ACBD3: variants seen among roughly 807,000 people sequenced by gnomAD.
ACBD3 encodes the protein Golgi resident protein GCP60.
ACBD3 carries 30 observed loss-of-function variants against 66.9 expected under a neutral mutation model. The observed-to-expected ratio is 0.45, with a 90% confidence interval of 0.34 to 0.61. The LOEUF (loss-of-function observed/expected upper bound fraction) is 0.61. Among genes scored for constraint, ACBD3 ranks in the 20% least tolerant of loss-of-function variants. ACBD3 has a pLI of 0.02. For missense variants in ACBD3, 544 were observed against 664.5 expected (o/e 0.82, Z 1.99); for synonymous variants, 278 against 259.8 (o/e 1.07, Z -0.68).
In ACBD3 at chr1:226,147,352, G is replaced by A. The variant is rs1231507522; in HGVS notation, c.1376-531C>T. Reference sequence around the variant, plus strand: ...ACACCAAACCCTGTTCTGAGCCCTGGGAGCCCAGTGATGAACATCTAGTGG... The same window carrying A: ...ACACCAAACCCTGTTCTGAGCCCTGAGAGCCCAGTGATGAACATCTAGTGG... On this transcript the variant is annotated intron_variant, in intron 7 of 7. Coordinates refer to ENST00000366812, the MANE Select transcript of ACBD3 (RefSeq NM_022735.4). Among the ~76,000 whole-genome samples, 4 of 152,274 alleles carry A rather than the reference G, an allele frequency of 2.6e-5. No homozygotes were observed. In the East Asian group the frequency reaches 5.8e-4, roughly 22 times the overall value.
chr1:226,166,031 T>C, intron 1 of ACBD3, 31 bp from the exon 2 acceptor site: 1 of 1,591,062 alleles, frequency 6.3e-7, no homozygotes, highest in Non-Finnish European at 8.5e-7. Context: ...AAGAAAACAA[T>C]TAGCACAGGC....
chr1:226,184,504 CAT>C (rs780568594), intron 1 of ACBD3, among the ~76,000 whole-genome samples: 4 of 152,248 alleles, frequency 2.6e-5, no homozygotes, highest in Non-Finnish European at 5.9e-5. Flanking sequence ...ACTCAAGACA[CAT>C]GTTAAAATAA....
At chr1:226,151,823 T>G (rs1358835468) in intron 7 of ACBD3, among the ~76,000 whole-genome samples, 2 of 151,976 alleles carry the variant, frequency 1.3e-5, no homozygotes, top group Non-Finnish European at 2.9e-5. Flanking sequence ...CTGACCAACA[T>G]GGTGAAACCT....
rs1659843227 is a variant in ACBD3, at chr1:226,164,889, C to A, written c.469G>T (p.Ala157Ser). ...AALGNMSKED[A>S]MVEFVKLLNR... ...AAGAGCTTGACAAACTCCACCATGG[C>A]ATCCTCTTTAGACATGTTTCCCAGG... is the stretch of plus-strand genomic sequence containing the variant. Residue 157 changes from alanine (A) to serine (S), a missense_variant, in exon 3 of 8, where the codon GCC (alanine) becomes TCC (serine). Physicochemically the swap from Ala to Ser is moderately conservative, Grantham distance 99. This residue lies in a region of ACBD3 where 383 missense variants were observed against 462.4 expected (regional missense o/e 0.83). Coordinates refer to ENST00000366812, the MANE Select transcript of ACBD3 (RefSeq NM_022735.4). The A allele has an allele frequency of 6.2e-7, 1 of 1,607,674 alleles. No homozygotes were observed. Among genetic ancestry groups the A allele is most frequent in the Non-Finnish European group, 8.5e-7 (1 of 1,176,972 alleles).
chr1:226,162,086 T>C (rs949342913), intron 3 of ACBD3, among the ~76,000 whole-genome samples: 2 of 152,136 alleles, frequency 1.3e-5, no homozygotes, highest in African/African-American at 2.4e-5. Flanking sequence ...AACTAGATGC[T>C]CCATAGGGGA....
rs1016495425 is a variant in ACBD3 at position 226,144,877 on chromosome 1, T to C, written c.*1733A>G. 2.6e-5 allele frequency: 4 copies of C among 152,648 alleles called. No homozygotes were observed. Among genetic ancestry groups the C allele is most frequent in the Non-Finnish European group, 4.4e-5 (3 of 68,040 alleles). The allele number at this position is 152,648 out of a possible 1,614,324, so 9.5% of individuals were successfully genotyped here. On this transcript the variant is annotated 3_prime_UTR_variant, in exon 8 of 8. Coordinates refer to ENST00000366812, the MANE Select transcript of ACBD3 (RefSeq NM_022735.4). ...CAAGAACAATGATATTTTTAGGAGA[T>C]AATTCATCTTAACATGTGCAAGGAC... is the stretch of plus-strand genomic sequence containing the variant.
At position 226,186,442 on chromosome 1, in the gene ACBD3, G is replaced by GCGCTGCTCCAGCCGC. The variant is rs1428712468; in HGVS notation, c.219_233dup (p.Arg74_Arg78dup). 6.6e-7 allele frequency: 1 copy of GCGCTGCTCCAGCCGC among 1,513,262 alleles called. No individual in the cohort carries two copies. Among genetic ancestry groups the GCGCTGCTCCAGCCGC allele is most frequent in the Non-Finnish European group, 8.8e-7 (1 of 1,133,422 alleles). The allele number at this position is 1,513,262 out of a possible 1,614,324, so 93.7% of individuals were successfully genotyped here. ...ACAACTCCTCCAGGCCGAAACCCCA[G>GCGCTGCTCCAGCCGC]CGCTGCTCCAGCCGCCGCGCCTCCT... On this transcript the variant is annotated inframe_insertion, in exon 1 of 8. Coordinates refer to ENST00000366812, the MANE Select transcript of ACBD3 (RefSeq NM_022735.4).
At chr1:226,166,734 G>A (rs1434425588) in intron 1 of ACBD3, among the ~76,000 whole-genome samples, 1 of 152,026 alleles carries the variant, frequency 6.6e-6, no homozygotes, top group Non-Finnish European at 1.5e-5. Flanking sequence ...TGATTCTCCC[G>A]TCTCAGTATC....
chr1:226,147,602 T>C (rs1659480602), intron 7 of ACBD3, among the ~76,000 whole-genome samples: 1 of 152,198 alleles, frequency 6.6e-6, no homozygotes. Context: ...GCTTTCTGTA[T>C]ATCTTAAATA....
Position 226,146,794 on chromosome 1 carries a change from T to C in ACBD3, c.1403A>G (p.Lys468Arg), listed in dbSNP as rs762351320. 2 of 1,614,188 alleles carry C rather than the reference T, an allele frequency of 1.2e-6. No homozygotes were observed. Among genetic ancestry groups the C allele is most frequent in the Non-Finnish European group, 1.7e-6 (2 of 1,180,026 alleles). ...EENIGCEEKA[K>R]KNANKPLLDE... The stretch of plus-strand genomic sequence containing the variant: ...CAGCAAAGGCTTGTTGGCATTCTTT[T>C]TGGCTTTCTCTTCACAACCGATGTT... Residue 468 changes from lysine to arginine, a missense_variant, in exon 8 of 8, where the codon AAA (lysine) becomes AGA (arginine). Transcript: ENST00000366812.
At chr1:226,174,957 T>C (rs1655997314) in intron 1 of ACBD3, among the ~76,000 whole-genome samples, 2 of 150,968 alleles carry the variant, frequency 1.3e-5, no homozygotes, top group Non-Finnish European at 3.0e-5. Context: ...TAGCCCGGCA[T>C]GGTGGCATGC....
At chr1:226,169,333 T>C (rs1168695307) in intron 1 of ACBD3, among the ~76,000 whole-genome samples, 10 of 149,570 alleles carry the variant, frequency 6.7e-5, no homozygotes, top group Admixed American at 3.3e-4. Context: ...CTGCAAGCTC[T>C]GCCTCCCGGG....
intron 1 of ACBD3, among the ~76,000 whole-genome samples, chr1:226,180,392 TTATA>T (rs1285810462): frequency 6.6e-6 from 1 of 152,078 alleles, no homozygotes; most frequent in Non-Finnish European, 1.5e-5. Context: ...TGCTAAGAGT[TTATA>T]TATATAATTT....
Position 226,145,913 on chromosome 1 carries a change from A to C in ACBD3, c.*697T>G, listed in dbSNP as rs1048340925. On this transcript the variant is annotated 3_prime_UTR_variant, in exon 8 of 8. Coordinates refer to ENST00000366812, the MANE Select transcript of ACBD3 (RefSeq NM_022735.4). ...ATACCAAATAAAGATACAAGGATTC[A>C]AAGTTTGTGGAAGTTCCTGAAGAAA... 6.6e-6 allele frequency: 1 copy of C among 152,468 alleles called. No individual in the cohort carries two copies. The highest frequency in any genetic ancestry group is 1.5e-5 in the Non-Finnish European group (1 of 68,050). 9.4% of individuals were successfully genotyped at this position (152,468 alleles called of 1,614,324 possible).
chr1:226,155,812 G>A, intron 5 of ACBD3, among the ~76,000 whole-genome samples: 1 of 152,182 alleles, frequency 6.6e-6, no homozygotes, highest in East Asian at 1.9e-4. Context: ...GCAATTTGAG[G>A]TTAAAAATAT....
chr1:226,186,062 T>C (rs1031981929), intron 1 of ACBD3, among the ~76,000 whole-genome samples: 4 of 152,176 alleles, frequency 2.6e-5, no homozygotes, highest in Non-Finnish European at 5.9e-5. Flanking sequence ...AATCCCAGAA[T>C]GGGATCCTTT....
chr1:226,150,667 G>A (rs962228413), intron 7 of ACBD3, among the ~76,000 whole-genome samples: 25 of 152,262 alleles, frequency 1.6e-4, no homozygotes, highest in Admixed American at 4.6e-4. Context: ...GTGAGCCACC[G>A]CGTCCGGCCC....
Position 226,186,475 on chromosome 1 carries a change from G to A in ACBD3, c.201C>T (p.Gly67=). The change falls in exon 1 of 8, where the codon GGC becomes GGT. Residue 67 remains glycine, a synonymous_variant. Coordinates refer to ENST00000366812, the MANE Select transcript of ACBD3 (RefSeq NM_022735.4). ...CCAGCCGCCGCGCCTCCTCCGCCGC[G>A]CCCCCAGCCGCCGCCTCCCCGGGCT... The part of the protein sequence containing the change: ...QPEPGEAAAG[G]AAEEARRLEQ... The A allele has an allele frequency of 6.7e-7, 1 of 1,492,668 alleles. No homozygotes were observed. The allele number at this position is 1,492,668 out of a possible 1,614,324, so 92.5% of individuals were successfully genotyped here. A position where few individuals can be genotyped will look rare whatever the true frequency, so the allele number is the denominator to read the frequency against.
chr1:226,182,807 T>C (rs1170275090), intron 1 of ACBD3, among the ~76,000 whole-genome samples: 1 of 152,166 alleles, frequency 6.6e-6, no homozygotes, highest in Admixed American at 6.6e-5. Flanking sequence ...CACACTGTAC[T>C]GCAGTTGTCA....
Sources: gnomAD v4.1 joint callset for allele counts (sites outside exome capture counted in the v4.1 genomes callset) on GRCh38, gnomAD v4.1.1 for gene constraint, gnomAD v4.1.1 regional missense constraint, MANE v1.5 for transcripts, NCBI Gene and HGNC (gene_info 2026-07-23, HGNC 2026-07-21) for gene names.